Variants in MEGF10 observed in about 807,000 individuals in gnomAD.
The protein encoded by MEGF10 is multiple epidermal growth factor-like domains protein 10.
MEGF10 carries 86 observed loss-of-function variants against 147.5 expected under a neutral mutation model. The observed-to-expected ratio is 0.58, with a 90% CI of 0.49 to 0.70. The LOEUF is 0.70. Among genes scored for constraint, MEGF10 ranks in the 30% least tolerant of loss-of-function variants. The probability of loss-of-function intolerance (pLI) is 0.00; values close to 1 mark genes in which losing one functional copy is unlikely to be tolerated. For synonymous variants in MEGF10, 478 were observed against 525.5 expected (o/e 0.91, Z 1.24); for missense variants, 1,329 against 1,487.3 (o/e 0.89, Z 1.75).
intron 16 of MEGF10, among the ~76,000 whole-genome samples, chr5:127,437,625 A>T (rs1765604417): frequency 1.3e-5 from 2 of 152,180 alleles, no homozygotes; most frequent in African/African-American, 4.8e-5. Context: ...ATCTTATGCT[A>T]TTATTTCACA....
chr5:127,247,214 C>T, the MEGF10 span, among the ~76,000 whole-genome samples: 1 of 137,092 alleles, frequency 7.3e-6, no homozygotes, highest in African/African-American at 2.8e-5. Context: ...TTAAATGAGA[C>T]CATTAGAGGA....
the MEGF10 span, among the ~76,000 whole-genome samples, chr5:127,258,299 T>C: frequency 6.6e-6 from 1 of 152,104 alleles, no homozygotes; most frequent in Admixed American, 6.5e-5. Flanking sequence ...GGAATACAAA[T>C]GAGGATGAAG....
chr5:127,355,210 G>A (rs1308074105), intron 4 of MEGF10, among the ~76,000 whole-genome samples: 3 of 152,044 alleles, frequency 2.0e-5, no homozygotes, highest in Non-Finnish European at 2.9e-5. Flanking sequence ...CAGGAAAGGA[G>A]GAGTACCTCT....
intron 5 of MEGF10, among the ~76,000 whole-genome samples, chr5:127,389,024 G>C (rs1171227190): frequency 6.6e-6 from 1 of 152,166 alleles, no homozygotes; most frequent in Non-Finnish European, 1.5e-5. Flanking sequence ...AAATATAATG[G>C]TGGAATATTA....
At chr5:127,287,202 G>A (rs1343538294), upstream of MEGF10, among the ~76,000 whole-genome samples, 1 of 151,944 alleles carries the variant, frequency 6.6e-6, no homozygotes, top group Non-Finnish European at 1.5e-5. Context: ...GTACAAGACA[G>A]ATTGCTTTGG....
intron 4 of MEGF10, among the ~76,000 whole-genome samples, chr5:127,361,487 GA>G (rs1762469813): frequency 6.6e-6 from 1 of 151,816 alleles, no homozygotes; most frequent in African/African-American, 2.4e-5. Flanking sequence ...TACTTTTGTT[GA>G]TTTTCTCTTT....
At chr5:127,371,256 C>T (rs868504517) in intron 5 of MEGF10, among the ~76,000 whole-genome samples, 2 of 140,388 alleles carry the variant, frequency 1.4e-5, no homozygotes, top group Non-Finnish European at 3.1e-5. Flanking sequence ...TCTTTCTGCC[C>T]CTGACAGGCT....
In MEGF10 at chr5:127,325,891, A is replaced by G. The variant is rs1315559883; in HGVS notation, c.-18-5400A>G. ...TATACATATATGTGTGTGTGTGTAT[A>G]TATATATATATATATATATTTTTTT... On this transcript the variant is annotated intron_variant, in intron 1 of 24. Transcript: ENST00000503335. 1.5e-3 allele frequency among the ~76,000 whole-genome samples: 46 copies of G among 30,144 alleles called. No homozygotes were observed. The South Asian group carries it at 0.042, about 27-fold the overall frequency. 19.8% of individuals were successfully genotyped at this position (30,144 alleles called of 152,430 possible). A position where few individuals can be genotyped will look rare whatever the true frequency, so the allele number is the denominator to read the frequency against.
chr5:127,297,084 A>C (rs1013043364), intron 1 of MEGF10, among the ~76,000 whole-genome samples: 6 of 152,188 alleles, frequency 3.9e-5, no homozygotes, highest in African/African-American at 1.4e-4. Flanking sequence ...CTCCTGCCTC[A>C]GCATCCCGAG....
chr5:127,375,356 G>C (rs1230900574), intron 5 of MEGF10, among the ~76,000 whole-genome samples: 1 of 152,168 alleles, frequency 6.6e-6, no homozygotes, highest in African/African-American at 2.4e-5. Context: ...GTTCCTGCCT[G>C]TGACAAACAG....
Position 127,460,980 on chromosome 5 carries a change from G to A in MEGF10, c.*3662G>A, listed in dbSNP as rs1203295086. On this transcript the variant is annotated 3_prime_UTR_variant, in exon 25 of 25. Transcript: ENST00000503335. ...ATGTCCTAACACTGGGTCTGCTTAT[G>A]CTAGTTCAGTATTTGGTCTAGGCTT... 1.3e-5 allele frequency: 2 copies of A among 152,160 alleles called. No individual in the cohort carries two copies. The highest frequency in any genetic ancestry group is 3.8e-4 in the East Asian group (2 of 5,202). The allele number at this position is 152,160 out of a possible 1,614,324, so 9.4% of individuals were successfully genotyped here. A position where few individuals can be genotyped will look rare whatever the true frequency, so the allele number is the denominator to read the frequency against.
At chr5:127,262,441 C>T in the MEGF10 span, among the ~76,000 whole-genome samples, 3 of 152,252 alleles carry the variant, frequency 2.0e-5, no homozygotes, top group East Asian at 1.9e-4. Flanking sequence ...AGTTTCCAGA[C>T]GTCTAGCCCC....
chr5:127,246,788 T>C, the MEGF10 span, among the ~76,000 whole-genome samples: 1 of 26,820 alleles, frequency 3.7e-5, no homozygotes, highest in Non-Finnish European at 9.1e-5. Flanking sequence ...TTATATATAA[T>C]TTATAATATT....
At chr5:127,277,991 G>A in the MEGF10 span, among the ~76,000 whole-genome samples, 94 of 152,226 alleles carry the variant, frequency 6.2e-4, no homozygotes, top group African/African-American at 2.2e-3. Flanking sequence ...GGAGGCAGCT[G>A]GGCAGAGGTC....
In MEGF10 at chr5:127,445,523, C is replaced by T. The variant is rs952649292; in HGVS notation, c.2558C>T (p.Ser853Phe). 5 of 1,614,036 alleles carry T rather than the reference C, an allele frequency of 3.1e-6. No individual in the cohort carries two copies. Among genetic ancestry groups the T allele is most frequent in the Admixed American group, 3.3e-5 (2 of 59,988 alleles). Residue 853 changes from serine to phenylalanine, a missense_variant, in exon 20 of 25, where the codon TCC becomes TTC. Around this residue, in one of 3 missense-constraint regions of MEGF10, gnomAD observed 343 missense variants for 377.9 expected, o/e 0.91. Coordinates refer to ENST00000503335, the MANE Select transcript of MEGF10 (RefSeq NM_001256545.2). ...ACCAGTACTGCTCTCCCTGCTGATT[C>T]CTACCAGATCGGGGCCATTGCAGGC... ...SRTSTALPAD[S>F]YQIGAIAGII...
the MEGF10 span, among the ~76,000 whole-genome samples, chr5:127,284,399 T>C: frequency 6.6e-6 from 1 of 150,804 alleles, no homozygotes; most frequent in Non-Finnish European, 1.5e-5. Context: ...CAGTGTAGAT[T>C]TTCAGTGACT....
chr5:127,405,242 C>T (rs1224095257), intron 8 of MEGF10, among the ~76,000 whole-genome samples: 2 of 152,126 alleles, frequency 1.3e-5, no homozygotes, highest in Admixed American at 1.3e-4. Flanking sequence ...AGAATTCCCT[C>T]AACTTTTTTC....
chr5:127,369,105 G>A (rs567046113), intron 4 of MEGF10, among the ~76,000 whole-genome samples: 3 of 151,980 alleles, frequency 2.0e-5, no homozygotes, highest in East Asian at 1.9e-4. Context: ...TAGAATATCC[G>A]AACCCCAAAC....
chr5:127,307,397 T>C (rs537922376), intron 1 of MEGF10, among the ~76,000 whole-genome samples: 14 of 152,292 alleles, frequency 9.2e-5, no homozygotes, highest in Admixed American at 7.8e-4. Flanking sequence ...GCAAAAGCTA[T>C]GGCAGAGCCC....
Sources: gnomAD v4.1 joint callset for allele counts (sites outside exome capture counted in the v4.1 genomes callset) on GRCh38, gnomAD v4.1.1 for gene constraint, gnomAD v4.1.1 regional missense constraint, MANE v1.5 for transcripts, NCBI Gene and HGNC (gene_info 2026-07-23, HGNC 2026-07-21) for gene names.